KDM4A: variants seen among roughly 807,000 people sequenced by gnomAD.
The protein encoded by KDM4A is lysine-specific demethylase 4A.
In KDM4A, 23 loss-of-function variants were observed where a neutral mutation model predicts 127.1. The ratio of observed to expected loss-of-function variants is 0.18; its 90% CI spans 0.13 to 0.26. The LOEUF is 0.26. KDM4A is among the 10% of genes least tolerant of loss of function. KDM4A has a pLI of 1.00. For synonymous variants in KDM4A, 443 were observed against 466.5 expected, an observed-to-expected ratio of 0.95 and a Z score of 0.65; for missense variants, 890 against 1,329.1, an observed-to-expected ratio of 0.67 and a Z score of 5.14.
Position 43,660,418 on chromosome 1 carries a change from G to T in KDM4A, c.429+6G>T. ...ATGGTACCCTCTATGAAAAGGTGAG[G>T]CTCACTGGAAACCCTCTGTGCAGTG... On this transcript the variant is annotated splice_donor_region_variant and intron_variant, in intron 4 of 21. Coordinates refer to ENST00000372396, the MANE Select transcript of KDM4A (RefSeq NM_014663.3). The T allele has an allele frequency of 1.9e-6, 3 of 1,592,134 alleles. No individual in the cohort carries two copies. The highest frequency in any genetic ancestry group is 1.3e-5 in the African/African-American group (1 of 74,428).
chr1:43,653,359 G>A (rs774736834), intron 2 of KDM4A, 46 bp downstream of exon 2: 3 of 1,527,908 alleles, frequency 2.0e-6, no homozygotes, highest in East Asian at 2.4e-5. Context: ...CTAGGGCAGA[G>A]CAGTAAGATT....
rs1553230783 is a variant in KDM4A at position 43,661,632 on chromosome 1, A to AAAAAAAAAG, written c.429+1223_429+1231dup. Reference sequence around the variant, plus strand: ...TCAAAAAAAAAAAAAAAAAAAAAAAAAAAAAAAAGAATTCCAGTTTTGTTG... The same window carrying AAAAAAAAAG: ...TCAAAAAAAAAAAAAAAAAAAAAAAAAAAAAAAAGAAAAAAAAGAATTCCAGTTTTGTTG... On this transcript the variant is annotated intron_variant, in intron 4 of 21. Coordinates refer to ENST00000372396, the MANE Select transcript of KDM4A (RefSeq NM_014663.3). Among the ~76,000 whole-genome samples the AAAAAAAAAG allele has an allele frequency of 1.0e-3, 110 of 106,068 alleles. 15 individuals carry two copies. Among genetic ancestry groups the AAAAAAAAAG allele is most frequent in the Non-Finnish European group, 1.1e-3 (59 of 55,160 alleles). 69.6% of individuals were successfully genotyped at this position (106,068 alleles called of 152,430 possible). A position where few individuals can be genotyped will look rare whatever the true frequency, so the allele number is the denominator to read the frequency against.
At chr1:43,701,111 G>C (rs1661379678) in intron 19 of KDM4A, among the ~76,000 whole-genome samples, 1 of 151,654 alleles carries the variant, frequency 6.6e-6, no homozygotes, top group Non-Finnish European at 1.5e-5. Flanking sequence ...TTAGTAGAGA[G>C]GGTTTCCCCA....
At chr1:43,657,899 C>T (rs551995989) in intron 3 of KDM4A, among the ~76,000 whole-genome samples, 25 of 150,988 alleles carry the variant, frequency 1.7e-4, no homozygotes, top group South Asian at 1.5e-3. Flanking sequence ...CCCGCCACCA[C>T]GCCCGGCCAA....
intron 19 of KDM4A, chr1:43,702,460 T>G (rs1661422293): frequency 6.6e-6 from 1 of 152,162 alleles, no homozygotes; most frequent in Admixed American, 6.5e-5. Context: ...GTAGCATGAT[T>G]GTAAGAGCAG....
chr1:43,704,131 C>A lies in KDM4A; in HGVS notation c.3054+19C>A, dbSNP rs1156278931. The A allele has an allele frequency of 6.2e-7, 1 of 1,612,296 alleles. No individual in the cohort carries two copies. Among genetic ancestry groups the A allele is most frequent in the Non-Finnish European group, 8.5e-7 (1 of 1,178,552 alleles). On this transcript the variant is annotated intron_variant, in intron 21 of 21. Transcript: ENST00000372396. ...TAGACTGGTGAGTATTTTCTGTGTCCCCCCAGTTCCTGTCTTGGAGGGAGG... is the reference window on the plus strand; with the variant it reads ...TAGACTGGTGAGTATTTTCTGTGTCACCCCAGTTCCTGTCTTGGAGGGAGG...
chr1:43,652,845 G>T (rs1660148880), intron 1 of KDM4A, among the ~76,000 whole-genome samples: 1 of 150,546 alleles, frequency 6.6e-6, no homozygotes, highest in Admixed American at 6.6e-5. Context: ...ACCATGCCCA[G>T]CTAATTTTTT....
In KDM4A at chr1:43,692,952, G is replaced by A. The variant is rs141590264; in HGVS notation, c.2375+641G>A. On this transcript the variant is annotated intron_variant, in intron 16 of 21. Transcript: ENST00000372396. ...GAGCTAGCTGTCTAGGGCATGGTGC[G>A]TGCAGGTCAGTGCTGAGTATCCTGC... Among the ~76,000 whole-genome samples, 429 of 152,290 alleles carry A rather than the reference G, an allele frequency of 2.8e-3. 5 individuals carry two copies. Among genetic ancestry groups the A allele is most frequent in the African/African-American group, 9.9e-3 (412 of 41,556 alleles).
chr1:43,703,744 A>G lies in KDM4A; in HGVS notation c.2961+8A>G, dbSNP rs769002821. ...CCTATCCAAATGTACCAGGTATCCA[A>G]AGTTCTACCTTTCTAGGGAGTGGGG... On this transcript the variant is annotated splice_region_variant and intron_variant, in intron 20 of 21. Coordinates refer to ENST00000372396, the MANE Select transcript of KDM4A (RefSeq NM_014663.3). 6 of 1,613,908 alleles carry G rather than the reference A, an allele frequency of 3.7e-6. No homozygotes were observed. The African/African-American group carries it at 8.0e-5, about 22-fold the overall frequency.
chr1:43,660,916 A>G (rs1660359857), intron 4 of KDM4A, among the ~76,000 whole-genome samples: 1 of 152,202 alleles, frequency 6.6e-6, no homozygotes, highest in Non-Finnish European at 1.5e-5. Flanking sequence ...GAATATCTTC[A>G]GATGACTGAA....
intron 5 of KDM4A, among the ~76,000 whole-genome samples, chr1:43,663,930 G>C (rs75403987): frequency 1.3e-5 from 2 of 152,146 alleles, no homozygotes; most frequent in South Asian, 4.2e-4. Context: ...CACTGTACCC[G>C]GCCCATCTCA....
In KDM4A at chr1:43,665,738, C is replaced by T. The variant is rs139088184; in HGVS notation, c.666C>T (p.Leu222=). The T allele has an allele frequency of 1.4e-5, 22 of 1,613,910 alleles. No homozygotes were observed. The highest frequency in any genetic ancestry group is 4.5e-5 in the East Asian group (2 of 44,872). ...PPEHGKRLER[L]AKGFFPGSAQ... Reference sequence around the variant, plus strand: ...AGCATGGAAAGCGGTTGGAACGCCTCGCCAAAGGTACTGTGTCTCTTCTGT... The same window carrying T: ...AGCATGGAAAGCGGTTGGAACGCCTTGCCAAAGGTACTGTGTCTCTTCTGT... The change falls in exon 6 of 22, where the codon CTC becomes CTT. Residue 222 remains leucine (L), a synonymous_variant. Coordinates refer to ENST00000372396, the MANE Select transcript of KDM4A (RefSeq NM_014663.3).
At chr1:43,655,439 T>C in intron 2 of KDM4A, 152 bp from the exon 3 acceptor site, 2 of 644,794 alleles carry the variant, frequency 3.1e-6, no homozygotes, top group Middle Eastern at 4.3e-4. Context: ...TTAGCATGCC[T>C]GTGACTTACT....
In KDM4A at chr1:43,671,613, A is replaced by G; in HGVS notation, c.1472A>G (p.Asn491Ser). 6.2e-7 allele frequency: 1 copy of G among 1,613,444 alleles called. No homozygotes were observed. Among genetic ancestry groups the G allele is most frequent in the African/African-American group, 1.3e-5 (1 of 75,018 alleles). Reference sequence around the variant, plus strand: ...GCAGCTGCCTTGGATCTTTCTGTGAATCCTGCGTCTGTAGGGGGACGCCTT... The same window carrying G: ...GCAGCTGCCTTGGATCTTTCTGTGAGTCCTGCGTCTGTAGGGGGACGCCTT... The part of the protein sequence containing the change: ...QAAAALDLSV[N>S]PASVGGRLVF... Residue 491 changes from asparagine to serine, a missense_variant, in exon 11 of 22, where the codon AAT becomes AGT. This residue lies in a region of KDM4A where 389 missense variants were observed against 485.9 expected (regional missense o/e 0.80). Coordinates refer to ENST00000372396, the MANE Select transcript of KDM4A (RefSeq NM_014663.3).
intron 19 of KDM4A, among the ~76,000 whole-genome samples, chr1:43,703,238 G>A (rs1290913468): frequency 6.6e-6 from 1 of 151,644 alleles, no homozygotes; most frequent in Non-Finnish European, 1.5e-5. Flanking sequence ...CACCGTGCCT[G>A]GCCAAAAAAA....
At chr1:43,704,186 T>A (rs750078934) in intron 21 of KDM4A, 44 bp from the exon 22 acceptor site, 2 of 1,613,790 alleles carry the variant, frequency 1.2e-6, no homozygotes, top group African/African-American at 2.7e-5. Flanking sequence ...CCCTTTGTAT[T>A]GTTCCTGGGG....
In KDM4A at chr1:43,704,528, C is replaced by T; in HGVS notation, c.*158C>T. The T allele has an allele frequency of 1.3e-6, 1 of 785,782 alleles. No homozygotes were observed. The highest frequency in any genetic ancestry group is 1.8e-5 in the South Asian group (1 of 55,614). 48.7% of individuals were successfully genotyped at this position (785,782 alleles called of 1,614,324 possible). On this transcript the variant is annotated 3_prime_UTR_variant, in exon 22 of 22. Coordinates refer to ENST00000372396, the MANE Select transcript of KDM4A (RefSeq NM_014663.3). ...ATCATCTTCTCACCCACCCTCATTG[C>T]ATTCCGCTGTAGTGAAAGGACGAGC... is the stretch of plus-strand genomic sequence containing the variant.
intron 19 of KDM4A, among the ~76,000 whole-genome samples, chr1:43,700,218 A>G (rs1472946995): frequency 1.3e-5 from 2 of 150,386 alleles, no homozygotes; most frequent in Admixed American, 6.6e-5. Context: ...ACCTCCACAT[A>G]CCAGGCTCAA....
At chr1:43,687,915 A>G (rs556416071) in intron 12 of KDM4A, among the ~76,000 whole-genome samples, 48 of 152,068 alleles carry the variant, frequency 3.2e-4, no homozygotes, top group Admixed American at 1.4e-3. Context: ...CCTGCTGTCT[A>G]GCATACCTAG....
Sources: allele counts gnomAD v4.1 joint callset (sites outside exome capture counted in the v4.1 genomes callset), GRCh38; gene constraint gnomAD v4.1.1; regional missense constraint gnomAD v4.1.1; transcripts MANE v1.5; gene names NCBI Gene and HGNC (gene_info 2026-07-23, HGNC 2026-07-21).